Variants in C2CD2L observed in about 807,000 individuals in gnomAD.
C2CD2L encodes the protein phospholipid transfer protein C2CD2L.
A neutral mutation model predicts 69.9 loss-of-function variants in C2CD2L; 24 were observed. The ratio of observed to expected loss-of-function variants is 0.34; its 90% CI spans 0.25 to 0.48. The LOEUF (loss-of-function observed/expected upper bound fraction) is 0.48, where lower values mean the gene tolerates loss of function less well. Among genes scored for constraint, C2CD2L ranks in the 20% least tolerant of loss-of-function variants. C2CD2L has a pLI of 0.99. For missense variants in C2CD2L, 811 were observed against 941.5 expected (o/e 0.86, Z 1.81); for synonymous variants, 367 against 391.0 (o/e 0.94, Z 0.72).
upstream of C2CD2L, among the ~76,000 whole-genome samples, chr11:119,105,003 A>G (rs532049214): frequency 4.8e-4 from 73 of 152,352 alleles, no homozygotes; most frequent in South Asian, 2.1e-3. Flanking sequence ...GGCATGAATG[A>G]TATTTCAAAA....
At chr11:119,102,440 G>A (rs779202530), upstream of C2CD2L, 7 of 403,308 alleles carry the variant, frequency 1.7e-5, no homozygotes, top group Non-Finnish European at 3.1e-5. Context: ...ATTCTAAAGC[G>A]TAGATCCTTG....
At position 119,110,348 on chromosome 11, in the gene C2CD2L, GT is replaced by G; in HGVS notation, c.450+151del. Reference sequence around the variant, plus strand: ...CAGGAAGTCTGAGAATCCCATTGAAGTTATGTGCAAAATGTTGGATGTGTGT... The same window carrying G: ...CAGGAAGTCTGAGAATCCCATTGAAGTATGTGCAAAATGTTGGATGTGTGT... On this transcript the variant is annotated intron_variant, in intron 2 of 13. Coordinates refer to ENST00000648610, the MANE Select transcript of C2CD2L (RefSeq NM_001290474.2). This position sits in a 1 kb window ranked among gnomAD's most constrained non-coding sequence, Gnocchi z 5.7. 1.2e-6 allele frequency: 1 copy of G among 804,338 alleles called. No individual in the cohort carries two copies. Among genetic ancestry groups the G allele is most frequent in the Non-Finnish European group, 2.0e-6 (1 of 511,182 alleles). The allele number at this position is 804,338 out of a possible 1,614,324, so 49.8% of individuals were successfully genotyped here.
At chr11:119,112,431 A>G (rs761261973) in intron 8 of C2CD2L, 39 bp downstream of exon 8, 2 of 1,613,774 alleles carry the variant, frequency 1.2e-6, no homozygotes, top group Admixed American at 1.7e-5. Context: ...GGGTGGGTAC[A>G]GAGTGGGGTC....
Position 119,114,430 on chromosome 11 carries a change from C to T in C2CD2L, c.1909+65C>T. 6.6e-7 allele frequency: 1 copy of T among 1,520,414 alleles called. No individual in the cohort carries two copies. 94.2% of individuals were successfully genotyped at this position (1,520,414 alleles called of 1,614,324 possible). On this transcript the variant is annotated intron_variant, in intron 13 of 13. Coordinates refer to ENST00000648610, the MANE Select transcript of C2CD2L (RefSeq NM_001290474.2). The surrounding 1 kb of genome is among the most constrained non-coding windows in gnomAD (Gnocchi z 5.1). Reference sequence around the variant, plus strand: ...TATACACATATCATGACCTGGGGGACCTCGAGCCAGTGTGCCTTCTCCTTC... The same window carrying T: ...TATACACATATCATGACCTGGGGGATCTCGAGCCAGTGTGCCTTCTCCTTC...
upstream of C2CD2L, among the ~76,000 whole-genome samples, chr11:119,104,440 TC>T (rs1946551737): frequency 6.6e-6 from 1 of 152,212 alleles, no homozygotes; most frequent in Non-Finnish European, 1.5e-5. Flanking sequence ...TAAGGATTCA[TC>T]ATCCACATAT....
chr11:119,111,910 TG>T (rs530111726), intron 7 of C2CD2L: 3 of 455,734 alleles, frequency 6.6e-6, no homozygotes, highest in South Asian at 2.7e-5. Flanking sequence ...AGTGCCTAGG[TG>T]GGGGGGAGAT....
In C2CD2L at chr11:119,116,579, C is replaced by A. The variant is rs1014639541; in HGVS notation, c.*323C>A. On this transcript the variant is annotated 3_prime_UTR_variant, in exon 14 of 14. Coordinates refer to ENST00000648610, the MANE Select transcript of C2CD2L (RefSeq NM_001290474.2). ...GAGCGGAGTCCCAGGGTGCTCAGCTCTTCAGCTGACCCTTCTTCCCTTATT... is the reference window on the plus strand; with the variant it reads ...GAGCGGAGTCCCAGGGTGCTCAGCTATTCAGCTGACCCTTCTTCCCTTATT... The A allele has an allele frequency of 1.1e-4, 53 of 468,474 alleles. No homozygotes were observed. The highest frequency in any genetic ancestry group is 1.5e-4 in the Non-Finnish European group (39 of 258,844). The allele number at this position is 468,474 out of a possible 1,614,324, so 29.0% of individuals were successfully genotyped here. A position where few individuals can be genotyped will look rare whatever the true frequency, so the allele number is the denominator to read the frequency against.
chr11:119,115,950 A>G, intron 13 of C2CD2L, 95 bp from the exon 14 acceptor site: 1 of 1,013,164 alleles, frequency 9.9e-7, no homozygotes, highest in Non-Finnish European at 1.5e-6. Flanking sequence ...GATCCTGTCC[A>G]CATCCTCTTT....
In C2CD2L at chr11:119,109,663, C is replaced by T. The variant is rs550592506; in HGVS notation, c.355-441C>T. The stretch of plus-strand genomic sequence containing the variant: ...AACAAGGTGGCTCTACCACCTTTAC[C>T]GGGGCTTAGCCCTTTCCCTCTGCCC... On this transcript the variant is annotated intron_variant, in intron 1 of 13. Coordinates refer to ENST00000648610, the MANE Select transcript of C2CD2L (RefSeq NM_001290474.2). This position sits in a 1 kb window ranked among gnomAD's most constrained non-coding sequence, Gnocchi z 5.1. Among the ~76,000 whole-genome samples, 36 of 152,362 alleles carry T rather than the reference C, an allele frequency of 2.4e-4. No homozygotes were observed. Among genetic ancestry groups the T allele is most frequent in the African/African-American group, 7.9e-4 (33 of 41,588 alleles).
chr11:119,103,340 G>A (rs1438341069), upstream of C2CD2L, among the ~76,000 whole-genome samples: 1 of 152,210 alleles, frequency 6.6e-6, no homozygotes, highest in East Asian at 1.9e-4. Flanking sequence ...TCTATGGCAT[G>A]TTCCAGGAGT....
At chr11:119,113,782 G>A (rs760060517) in intron 11 of C2CD2L, 70 bp downstream of exon 11, 2 of 1,610,536 alleles carry the variant, frequency 1.2e-6, no homozygotes, top group Admixed American at 1.7e-5. Flanking sequence ...TACTCTGGGT[G>A]GGATAGGAGG....
chr11:119,112,880 G>A lies in C2CD2L; in HGVS notation c.1387+6G>A. On this transcript the variant is annotated splice_donor_region_variant and intron_variant, in intron 10 of 13. Coordinates refer to ENST00000648610, the MANE Select transcript of C2CD2L (RefSeq NM_001290474.2). ...CCGTATAGACGGCAAATTAGGTAAAGAGAAGGAGCCTGGGAGCCCAGCTCT... is the reference window on the plus strand; with the variant it reads ...CCGTATAGACGGCAAATTAGGTAAAAAGAAGGAGCCTGGGAGCCCAGCTCT... The A allele has an allele frequency of 6.2e-7, 1 of 1,613,204 alleles. No homozygotes were observed. The highest frequency in any genetic ancestry group is 8.5e-7 in the Non-Finnish European group (1 of 1,179,502).
At position 119,114,776 on chromosome 11, in the gene C2CD2L, TA is replaced by T; in HGVS notation, c.1909+416del. 1 of 233,148 alleles carries T rather than the reference TA, an allele frequency of 4.3e-6. No homozygotes were observed. The highest frequency in any genetic ancestry group is 8.6e-6 in the Non-Finnish European group (1 of 116,752). 14.4% of individuals were successfully genotyped at this position (233,148 alleles called of 1,614,324 possible). A position where few individuals can be genotyped will look rare whatever the true frequency, so the allele number is the denominator to read the frequency against. ...CAACATGGCGAGACCCCATCTCTAC[TA>T]AAAATACAATAAATTGGCTGGGCGT... On this transcript the variant is annotated intron_variant, in intron 13 of 13. Coordinates refer to ENST00000648610, the MANE Select transcript of C2CD2L (RefSeq NM_001290474.2). The surrounding 1 kb of genome is among the most constrained non-coding windows in gnomAD (Gnocchi z 5.1).
At chr11:119,115,581 G>A (rs1254335198) in intron 13 of C2CD2L, 1 of 197,472 alleles carries the variant, frequency 5.1e-6, no homozygotes, top group African/African-American at 2.3e-5. Context: ...GAAGTTTCTA[G>A]ATGCACCACT....
chr11:119,103,053 G>A (rs1450099909), upstream of C2CD2L, among the ~76,000 whole-genome samples: 1 of 151,418 alleles, frequency 6.6e-6, no homozygotes, highest in Non-Finnish European at 1.5e-5. Context: ...CACCACGCCC[G>A]GCTAATTTTG....
At position 119,111,539 on chromosome 11, in the gene C2CD2L, G is replaced by T. The variant is rs373570091; in HGVS notation, c.929G>T (p.Cys310Phe). Residue 310 changes from cysteine (C) to phenylalanine (F), a missense_variant, in exon 7 of 14, where the codon TGT (cysteine) becomes TTT (phenylalanine). By Grantham distance (205) the Cys-to-Phe change is radical. Coordinates refer to ENST00000648610, the MANE Select transcript of C2CD2L (RefSeq NM_001290474.2). The part of the protein sequence containing the change: ...NELEGTEELC[C>F]VAELDNPMQQ... ...ATCACAGGCACCGAGGAACTGTGCT[G>T]TGTAGCTGAACTCGACAACCCCATG... The T allele has an allele frequency of 2.0e-5, 32 of 1,614,084 alleles. No homozygotes were observed. The highest frequency in any genetic ancestry group is 2.6e-5 in the Non-Finnish European group (31 of 1,180,038).
chr11:119,115,941 A>T, intron 13 of C2CD2L, 104 bp from the exon 14 acceptor site: 1 of 900,350 alleles, frequency 1.1e-6, no homozygotes, highest in Non-Finnish European at 1.7e-6. Context: ...CACGGGACTG[A>T]TCCTGTCCAC....
In C2CD2L at chr11:119,110,420, T is replaced by C; in HGVS notation, c.451-141T>C. 1 of 1,045,674 alleles carries C rather than the reference T, an allele frequency of 9.6e-7. No individual in the cohort carries two copies. Among genetic ancestry groups the C allele is most frequent in the South Asian group, 1.7e-5 (1 of 59,948 alleles). The allele number at this position is 1,045,674 out of a possible 1,614,324, so 64.8% of individuals were successfully genotyped here. On this transcript the variant is annotated intron_variant, in intron 2 of 13. Coordinates refer to ENST00000648610, the MANE Select transcript of C2CD2L (RefSeq NM_001290474.2). This position sits in a 1 kb window ranked among gnomAD's most constrained non-coding sequence, Gnocchi z 5.7. ...AGAGGAGTCTTTGGCATTTATCTGATTCTTTTAGGGATTTATGATCCTGAA... is the reference window on the plus strand; with the variant it reads ...AGAGGAGTCTTTGGCATTTATCTGACTCTTTTAGGGATTTATGATCCTGAA...
At position 119,114,494 on chromosome 11, in the gene C2CD2L, C is replaced by G. The variant is rs1946836622; in HGVS notation, c.1909+129C>G. 1.1e-6 allele frequency: 1 copy of G among 906,474 alleles called. No individual in the cohort carries two copies. Among genetic ancestry groups the G allele is most frequent in the African/African-American group, 1.7e-5 (1 of 60,592 alleles). The allele number at this position is 906,474 out of a possible 1,614,324, so 56.2% of individuals were successfully genotyped here. A position where few individuals can be genotyped will look rare whatever the true frequency, so the allele number is the denominator to read the frequency against. ...TAGCCGGATTCCCAGCCTAGTTCAG[C>G]CAAGCTAGCCTAGAGGGGGATCTTG... On this transcript the variant is annotated intron_variant, in intron 13 of 13. Coordinates refer to ENST00000648610, the MANE Select transcript of C2CD2L (RefSeq NM_001290474.2). This position sits in a 1 kb window ranked among gnomAD's most constrained non-coding sequence, Gnocchi z 5.1.
Sources: gnomAD v4.1 joint callset for allele counts (sites outside exome capture counted in the v4.1 genomes callset) on GRCh38, gnomAD v4.1.1 for gene constraint, Gnocchi (gnomAD v3.1) non-coding constraint, MANE v1.5 for transcripts, NCBI Gene and HGNC (gene_info 2026-07-23, HGNC 2026-07-21) for gene names.